The following ADGRL3 variants were observed in gnomAD, a reference collection of about 807,000 sequenced individuals.
ADGRL3 encodes calcium-independent alpha-latrotoxin receptor 3.
Under a neutral mutation model 153.5 loss-of-function variants are expected in ADGRL3, and 62 were observed. That is an observed-to-expected ratio of 0.40 (90% CI 0.33 to 0.50). The LOEUF (loss-of-function observed/expected upper bound fraction) is 0.50, where lower values mean the gene tolerates loss of function less well. ADGRL3 is among the 20% of genes least tolerant of loss of function. ADGRL3 has a pLI of 0.47. For missense variants in ADGRL3, 1,641 were observed against 1,859.4 expected, an observed-to-expected ratio of 0.88 and a Z score of 2.16; for synonymous variants, 710 against 672.5, an observed-to-expected ratio of 1.06 and a Z score of -0.86.
chr4:61,831,447 G>T (rs574576612), intron 9 of ADGRL3, among the ~76,000 whole-genome samples: 12 of 136,044 alleles, frequency 8.8e-5, no homozygotes, highest in Non-Finnish European at 1.4e-4. Flanking sequence ...AAAAAAAGAT[G>T]CTAAGTGGGG....
chr4:61,469,926 AAAAAC>A (rs899721664), intron 2 of ADGRL3, among the ~76,000 whole-genome samples: 1 of 151,434 alleles, frequency 6.6e-6, no homozygotes, highest in Non-Finnish European at 1.5e-5. Flanking sequence ...AGTTTGTTTT[AAAAAC>A]AAAACAAAAA....
chr4:61,486,265 C>G (rs2098192732), intron 2 of ADGRL3, among the ~76,000 whole-genome samples: 1 of 152,042 alleles, frequency 6.6e-6, no homozygotes, highest in Non-Finnish European at 1.5e-5. Context: ...TTTAACCAAA[C>G]TTGACTATAA....
chr4:61,645,154 G>C (rs10012604), intron 5 of ADGRL3, among the ~76,000 whole-genome samples: 56,117 of 151,862 alleles, frequency 0.37, 12,039 homozygotes, highest in Non-Finnish European at 0.5. Flanking sequence ...CTTCCTCCAT[G>C]TTTTTATTTT....
At chr4:61,537,715 G>T (rs548092491) in intron 4 of ADGRL3, among the ~76,000 whole-genome samples, 3 of 151,942 alleles carry the variant, frequency 2.0e-5, no homozygotes, top group Admixed American at 6.6e-5. Flanking sequence ...AATTCCCAAC[G>T]TTCTGTATAG....
chr4:62,068,138 C>A, intron 25 of ADGRL3, 28 bp from the exon 26 acceptor site: 1 of 1,527,150 alleles, frequency 6.5e-7, no homozygotes, highest in Admixed American at 2.0e-5. Flanking sequence ...GTTGTTTTTT[C>A]TTTCCTTTTC....
At chr4:61,316,997 T>G (rs1447293794) in intron 1 of ADGRL3, among the ~76,000 whole-genome samples, 2 of 152,216 alleles carry the variant, frequency 1.3e-5, no homozygotes, top group African/African-American at 4.8e-5. Flanking sequence ...CTTTTAAGCC[T>G]TTTCCTTAAA....
rs2343248 is a variant in ADGRL3, at chr4:61,496,919, C to T, written c.-173-202C>T. Among the ~76,000 whole-genome samples, 1,386 of 144,780 alleles carry T rather than the reference C, an allele frequency of 9.6e-3. 17 individuals are homozygous for T. Among genetic ancestry groups the T allele is most frequent in the African/African-American group, 0.034 (1,319 of 39,264 alleles). 95.0% of individuals were successfully genotyped at this position (144,780 alleles called of 152,430 possible). A position where few individuals can be genotyped will look rare whatever the true frequency, so the allele number is the denominator to read the frequency against. ...TCGCGCCACTGCACTCCAGCCGGGG[C>T]GACAGAGCGAGACTCCATCTTAAAA... is the stretch of plus-strand genomic sequence containing the variant. On this transcript the variant is annotated intron_variant, in intron 2 of 26. Transcript: ENST00000683033.
intron 5 of ADGRL3, among the ~76,000 whole-genome samples, chr4:61,658,392 G>A (rs1055206128): frequency 6.6e-6 from 1 of 152,046 alleles, no homozygotes; most frequent in African/African-American, 2.4e-5. Context: ...AGCTATATCA[G>A]TCCAGGCTCA....
chr4:61,251,073 A>G (rs1041995296), intron 1 of ADGRL3, among the ~76,000 whole-genome samples: 6 of 152,202 alleles, frequency 3.9e-5, no homozygotes, highest in Non-Finnish European at 8.8e-5. Context: ...GGCATAAAAC[A>G]ACTACTGTTT....
At chr4:62,008,721 A>G (rs2099170242) in intron 21 of ADGRL3, among the ~76,000 whole-genome samples, 2 of 151,536 alleles carry the variant, frequency 1.3e-5, no homozygotes, top group South Asian at 4.2e-4. Flanking sequence ...CTATATGTAT[A>G]TATGCATGTG....
chr4:61,304,483 T>C (rs2094699593), intron 1 of ADGRL3, among the ~76,000 whole-genome samples: 1 of 152,256 alleles, frequency 6.6e-6, no homozygotes, highest in Non-Finnish European at 1.5e-5. Flanking sequence ...GTAGTCTTTA[T>C]GCCTGAGGTT....
chr4:61,657,305 C>T (rs555637114), intron 5 of ADGRL3, among the ~76,000 whole-genome samples: 6 of 152,194 alleles, frequency 3.9e-5, no homozygotes, highest in Non-Finnish European at 7.4e-5. Context: ...CCTAAAGGGA[C>T]TGTCATCCCT....
intron 5 of ADGRL3, among the ~76,000 whole-genome samples, chr4:61,627,171 A>G: frequency 6.6e-6 from 1 of 152,230 alleles, no homozygotes; most frequent in East Asian, 1.9e-4. Context: ...TATTTTGCGG[A>G]ATTTTGAACC....
At chr4:61,828,343 T>C (rs1490716932) in intron 9 of ADGRL3, among the ~76,000 whole-genome samples, 1 of 152,056 alleles carries the variant, frequency 6.6e-6, no homozygotes, top group Non-Finnish European at 1.5e-5. Context: ...AGATACCAGA[T>C]GGAAAATGTC....
intron 2 of ADGRL3, among the ~76,000 whole-genome samples, chr4:61,400,290 T>C (rs991306685): frequency 6.6e-6 from 1 of 151,900 alleles, no homozygotes; most frequent in Non-Finnish European, 1.5e-5. Context: ...TGTCACAGTT[T>C]CATTTATTAC....
chr4:61,382,590 A>G (rs909235478), intron 1 of ADGRL3, among the ~76,000 whole-genome samples: 6 of 151,618 alleles, frequency 4.0e-5, no homozygotes, highest in Admixed American at 3.3e-4. Context: ...ATTTCTTTCT[A>G]TTTTTTAAAT....
At chr4:61,251,625 T>A (rs1428322403) in intron 1 of ADGRL3, among the ~76,000 whole-genome samples, 1 of 152,190 alleles carries the variant, frequency 6.6e-6, no homozygotes, top group African/African-American at 2.4e-5. Flanking sequence ...ACAGTTTTTC[T>A]ATAAATTATT....
At chr4:61,634,016 T>C (rs1179623845) in intron 5 of ADGRL3, among the ~76,000 whole-genome samples, 2 of 152,108 alleles carry the variant, frequency 1.3e-5, no homozygotes, top group African/African-American at 4.8e-5. Context: ...TCTTACTCTC[T>C]TATTCTTGGA....
At chr4:61,924,603 C>A (rs2098786338) in intron 13 of ADGRL3, among the ~76,000 whole-genome samples, 1 of 152,130 alleles carries the variant, frequency 6.6e-6, no homozygotes, top group Admixed American at 6.6e-5. Context: ...TGAGCCCCAC[C>A]TCCCACCTCT....
Sources: allele counts gnomAD v4.1 joint callset (sites outside exome capture counted in the v4.1 genomes callset), GRCh38; gene constraint gnomAD v4.1.1; transcripts MANE v1.5; gene names NCBI Gene and HGNC (gene_info 2026-07-23, HGNC 2026-07-21).